BTD: variants seen among roughly 807,000 people sequenced by gnomAD.
BTD encodes biocytinase.
BTD carries 13 observed loss-of-function variants against 17.7 expected under a neutral mutation model. The observed-to-expected ratio is 0.74, with a 90% CI of 0.48 to 1.17. The LOEUF (loss-of-function observed/expected upper bound fraction) is 1.17, where lower values mean the gene tolerates loss of function less well. Ranked by LOEUF, BTD falls within the 50% of genes most tolerant of loss-of-function variation. BTD has a pLI of 0.00. For missense variants in BTD, 674 were observed against 650.4 expected (o/e 1.04, Z -0.39); for synonymous variants, 240 against 245.2 (o/e 0.98, Z 0.20).
chr3:15,607,395 G>A (rs369639359), intron 1 of BTD, among the ~76,000 whole-genome samples: 74 of 152,320 alleles, frequency 4.9e-4, no homozygotes, highest in Admixed American at 8.5e-4. Flanking sequence ...GAGCAAATTG[G>A]TGGTTTTCTT....
intron 3 of BTD, chr3:15,694,676 T>C (rs2069278080): frequency 3.5e-6 from 5 of 1,414,472 alleles, no homozygotes; most frequent in African/African-American, 2.8e-5. Flanking sequence ...TCAACACAAA[T>C]AGGTTATTAG....
intron 1 of BTD, among the ~76,000 whole-genome samples, chr3:15,620,764 A>T (rs140258540): frequency 0.098 from 14,950 of 152,342 alleles, 938 homozygotes; most frequent in East Asian, 0.34. Flanking sequence ...CCGCAGCTCC[A>T]GCTGGTCCCT....
intron 3 of BTD, among the ~76,000 whole-genome samples, chr3:15,692,976 T>C (rs1480568137): frequency 1.3e-5 from 2 of 152,126 alleles, no homozygotes; most frequent in Non-Finnish European, 2.9e-5. Flanking sequence ...TGAAACCTGC[T>C]AGATGAAATA....
At chr3:15,676,070 T>C in intron 3 of BTD, 8 of 1,215,912 alleles carry the variant, frequency 6.6e-6, no homozygotes, top group Non-Finnish European at 9.1e-6. Flanking sequence ...TCAAAGAGCA[T>C]TTTTGTCAAC....
At chr3:15,672,126 T>C (rs1267208777) in intron 3 of BTD, among the ~76,000 whole-genome samples, 3 of 151,454 alleles carry the variant, frequency 2.0e-5, no homozygotes, top group East Asian at 1.9e-4. Context: ...CTATGCTATA[T>C]TGGCCTTGAT....
chr3:15,602,096 C>T, intron 1 of BTD: 5 of 1,436,192 alleles, frequency 3.5e-6, no homozygotes, highest in South Asian at 1.5e-5. Context: ...TTTACTTACA[C>T]GCTTTGTGGT....
chr3:15,701,266 T>C (rs1268630747), intron 3 of BTD, among the ~76,000 whole-genome samples: 2 of 152,218 alleles, frequency 1.3e-5, no homozygotes. Flanking sequence ...TGTAATATCT[T>C]CAATGGCAGC....
At chr3:15,670,744 G>C (rs1425311857) in intron 3 of BTD, among the ~76,000 whole-genome samples, 1 of 152,160 alleles carries the variant, frequency 6.6e-6, no homozygotes, top group Non-Finnish European at 1.5e-5. Flanking sequence ...GAAACCTAGG[G>C]TGGAAGGGGA....
chr3:15,635,320 C>A lies in BTD; in HGVS notation c.-16-104C>A. 3 of 1,541,696 alleles carry A rather than the reference C, an allele frequency of 1.9e-6. No homozygotes were observed. The African/African-American group carries it at 4.1e-5, about 21-fold the overall frequency. ...AACTCTTTGAGCCGCAGTATCACTGCGAGTGAGTTTAATTGCTGGGATTAA... is the reference window on the plus strand; with the variant it reads ...AACTCTTTGAGCCGCAGTATCACTGAGAGTGAGTTTAATTGCTGGGATTAA... On this transcript the variant is annotated intron_variant, in intron 1 of 3. Transcript: ENST00000643237. This position sits in a 1 kb window ranked among gnomAD's most constrained non-coding sequence, Gnocchi z 4.1.
intron 3 of BTD, chr3:15,694,662 T>C (rs2069275728): frequency 1.6e-6 from 2 of 1,274,128 alleles, no homozygotes; most frequent in Non-Finnish European, 2.3e-6. Flanking sequence ...GGTACTAGTT[T>C]GAGTCAACAC....
At chr3:15,693,091 A>G (rs1454429165) in intron 3 of BTD, among the ~76,000 whole-genome samples, 1 of 152,148 alleles carries the variant, frequency 6.6e-6, no homozygotes, top group Admixed American at 6.5e-5. Flanking sequence ...ATTACCAGGG[A>G]CTGGGGAAAG....
intron 3 of BTD, among the ~76,000 whole-genome samples, chr3:15,710,025 C>A (rs772108949): frequency 3.9e-5 from 5 of 128,836 alleles, no homozygotes; most frequent in South Asian, 5.3e-4. Flanking sequence ...TAGGAAACAA[C>A]TTGCTTATAG....
chr3:15,626,388 C>T (rs574278772), intron 1 of BTD, among the ~76,000 whole-genome samples: 2 of 152,278 alleles, frequency 1.3e-5, no homozygotes, highest in South Asian at 2.1e-4. Flanking sequence ...GTTGCACCTA[C>T]AACTATCATG....
At chr3:15,676,965 A>G (rs1418944201) in intron 3 of BTD, 2 of 1,607,400 alleles carry the variant, frequency 1.2e-6, no homozygotes, top group East Asian at 4.5e-5. Context: ...AGATACTGAC[A>G]GTACTCACGT....
intron 3 of BTD, among the ~76,000 whole-genome samples, chr3:15,704,785 T>G (rs2071126983): frequency 6.6e-6 from 1 of 152,208 alleles, no homozygotes; most frequent in African/African-American, 2.4e-5. Context: ...AAAGGATGCC[T>G]CTGGTATCCC....
At chr3:15,696,252 A>G in intron 3 of BTD, 1 of 1,396,028 alleles carries the variant, frequency 7.2e-7, no homozygotes, top group Non-Finnish European at 9.9e-7. Context: ...GCACCTATAT[A>G]CAACAACAAC....
intron 1 of BTD, among the ~76,000 whole-genome samples, chr3:15,602,652 A>AG (rs1192330556): frequency 2.0e-5 from 3 of 152,294 alleles, no homozygotes; most frequent in South Asian, 4.1e-4. Flanking sequence ...AAGAGATGAG[A>AG]GGGGAGTGGG....
Position 15,635,628 on chromosome 3 carries a change from G to A in BTD, c.189G>A (p.Leu63=). ...CTCTCATCAGCCGCCAAGAGGCCTT[G>A]GAGCTCATGAACCAGAACCTTGACA... ...PLALISRQEA[L]ELMNQNLDIY... Residue 63 remains leucine, a synonymous_variant, in exon 2 of 4, where the codon TTG becomes TTA. Coordinates refer to ENST00000643237, the MANE Select transcript of BTD (RefSeq NM_001370658.1). This position sits in a 1 kb window ranked among gnomAD's most constrained non-coding sequence, Gnocchi z 4.1. 1 of 1,614,194 alleles carries A rather than the reference G, an allele frequency of 6.2e-7. No homozygotes were observed. Among genetic ancestry groups the A allele is most frequent in the South Asian group, 1.1e-5 (1 of 91,086 alleles).
Position 15,644,920 on chromosome 3 carries a change from A to T in BTD, c.1004A>T (p.Asp335Val), listed in dbSNP as rs2065651056. The change falls in exon 4 of 4, where the codon GAC (aspartate) becomes GTC (valine). Residue 335 changes from aspartate (D) to valine (V), a missense_variant. Coordinates refer to ENST00000643237, the MANE Select transcript of BTD (RefSeq NM_001370658.1). The stretch of plus-strand genomic sequence containing the variant: ...GCAGAGAATGCAACAGGTGAAACGG[A>T]CCCATCCCATAGTAAGTTTTTAAAA... ...IGAENATGET[D>V]PSHSKFLKIL... 3.1e-6 allele frequency: 5 copies of T among 1,614,126 alleles called. No individual in the cohort carries two copies. The highest frequency in any genetic ancestry group is 4.2e-6 in the Non-Finnish European group (5 of 1,180,020).
Sources: gnomAD v4.1 joint callset for allele counts (sites outside exome capture counted in the v4.1 genomes callset) on GRCh38, gnomAD v4.1.1 for gene constraint, Gnocchi (gnomAD v3.1) non-coding constraint, MANE v1.5 for transcripts, NCBI Gene and HGNC (gene_info 2026-07-23, HGNC 2026-07-21) for gene names.